Variants in ADK observed in about 807,000 individuals in gnomAD.
The protein encoded by ADK is N6,N6-dimethyladenosine kinase.
ADK carries 24 observed loss-of-function variants against 44.7 expected under a neutral mutation model. The ratio of observed to expected loss-of-function variants is 0.54; its 90% CI spans 0.39 to 0.76. ADK has a LOEUF of 0.76. ADK is among the 30% of genes least tolerant of loss of function. The pLI is 0.00. For missense variants in ADK, 321 were observed against 425.1 expected, an observed-to-expected ratio of 0.76 and a Z score of 2.15; for synonymous variants, 128 against 142.6, an observed-to-expected ratio of 0.90 and a Z score of 0.73.
chr10:74,302,101 G>GTTTTTTTTTTTTTTTTTTTTTT (rs1564642239), intron 3 of ADK, among the ~76,000 whole-genome samples: 1 of 11,708 alleles, frequency 8.5e-5, no homozygotes, highest in Non-Finnish European at 1.8e-4. Flanking sequence ...TTTTTTTTTT[G>GTTTTTTTTTTTTTTTTTTTTTT]TTTGTTTGTT....
At chr10:74,674,604 A>C (rs182839475) in intron 10 of ADK, among the ~76,000 whole-genome samples, 34 of 152,180 alleles carry the variant, frequency 2.2e-4, no homozygotes, top group African/African-American at 8.2e-4. Flanking sequence ...TAAATCAGCC[A>C]GGTGTGGTGG....
Position 74,604,867 on chromosome 10 carries a change from C to T in ADK, c.877+4374C>T, listed in dbSNP as rs200145240. 3.3e-5 allele frequency among the ~76,000 whole-genome samples: 5 copies of T among 152,230 alleles called. No homozygotes were observed. In the East Asian group the frequency reaches 9.6e-4, roughly 29 times the overall value. On this transcript the variant is annotated intron_variant, in intron 9 of 10. Coordinates refer to ENST00000539909, the MANE Select transcript of ADK (RefSeq NM_006721.4). ...GTATGACCATTTTCACGATATTCTT[C>T]CTATCCGTGAGCATGGAATGGTTTT...
intron 3 of ADK, among the ~76,000 whole-genome samples, chr10:74,283,499 A>C (rs1591983010): frequency 2.0e-5 from 3 of 146,778 alleles, no homozygotes; most frequent in Non-Finnish European, 4.5e-5. Flanking sequence ...TATTACAATT[A>C]ACTTATTTTG....
At chr10:74,669,612 T>C (rs1177775033) in intron 9 of ADK, among the ~76,000 whole-genome samples, 1 of 152,206 alleles carries the variant, frequency 6.6e-6, no homozygotes, top group Non-Finnish European at 1.5e-5. Context: ...ATAACCAGAT[T>C]AGGTTATTTT....
chr10:74,326,779 A>G (rs1841035409), intron 4 of ADK, among the ~76,000 whole-genome samples: 2 of 152,086 alleles, frequency 1.3e-5, no homozygotes, highest in South Asian at 2.1e-4. Flanking sequence ...TTGGTAGATT[A>G]TATATATTCA....
intron 3 of ADK, among the ~76,000 whole-genome samples, chr10:74,236,878 G>A (rs531796349): frequency 2.2e-4 from 34 of 152,198 alleles, no homozygotes; most frequent in African/African-American, 7.5e-4. Context: ...ATATAAAAAT[G>A]TATATTCCTT....
intron 6 of ADK, among the ~76,000 whole-genome samples, chr10:74,476,690 T>G (rs1483935934): frequency 1.3e-5 from 2 of 152,202 alleles, no homozygotes; most frequent in East Asian, 3.8e-4. Context: ...TTAGACTAAT[T>G]TATCACAGTT....
chr10:74,518,701 CTTT>C (rs1011282788), intron 6 of ADK, among the ~76,000 whole-genome samples: 26 of 152,218 alleles, frequency 1.7e-4, no homozygotes, highest in African/African-American at 6.3e-4. Flanking sequence ...GTAATCAATA[CTTT>C]TTTATCAGAA....
chr10:74,688,390 C>T (rs914931323), intron 10 of ADK, among the ~76,000 whole-genome samples: 3 of 152,228 alleles, frequency 2.0e-5, no homozygotes, highest in East Asian at 3.9e-4. Flanking sequence ...AGCGTATCCC[C>T]GGGACCCAGC....
At position 74,701,088 on chromosome 10, in the gene ADK, A is replaced by G. The variant is rs142450158; in HGVS notation, c.965-7233A>G. Among the ~76,000 whole-genome samples, 423 of 152,300 alleles carry G rather than the reference A, an allele frequency of 2.8e-3. 4 individuals are homozygous for G. Among genetic ancestry groups the G allele is most frequent in the African/African-American group, 9.8e-3 (408 of 41,560 alleles). On this transcript the variant is annotated intron_variant, in intron 10 of 10. Coordinates refer to ENST00000539909, the MANE Select transcript of ADK (RefSeq NM_006721.4). ...TTCTTTTAAAGTTAGGGATGAAGTG[A>G]CTTGGAAACTATTTTAGATGTATTA...
At chr10:74,292,539 C>T (rs1839658264) in intron 3 of ADK, among the ~76,000 whole-genome samples, 1 of 152,102 alleles carries the variant, frequency 6.6e-6, no homozygotes, top group African/African-American at 2.4e-5. Context: ...TTTTTGATAT[C>T]CTAATGTGTC....
intron 9 of ADK, among the ~76,000 whole-genome samples, chr10:74,662,393 A>G (rs1854767248): frequency 6.6e-6 from 1 of 151,936 alleles, no homozygotes; most frequent in Non-Finnish European, 1.5e-5. Flanking sequence ...CGATCCTCCC[A>G]CCTCAGCCTA....
chr10:74,573,702 C>T (rs1038919890), intron 7 of ADK, among the ~76,000 whole-genome samples: 5 of 152,176 alleles, frequency 3.3e-5, no homozygotes, highest in African/African-American at 7.2e-5. Flanking sequence ...AAGCAAGCCT[C>T]GGCAATGGCG....
intron 7 of ADK, among the ~76,000 whole-genome samples, chr10:74,550,605 C>G (rs1180214988): frequency 6.6e-6 from 1 of 152,064 alleles, no homozygotes; most frequent in East Asian, 1.9e-4. Flanking sequence ...TGTTCTTTGA[C>G]ACAGCTGGCT....
chr10:74,417,577 TATC>T (rs1190695650), intron 6 of ADK, among the ~76,000 whole-genome samples: 1 of 152,140 alleles, frequency 6.6e-6, no homozygotes, highest in Non-Finnish European at 1.5e-5. Flanking sequence ...TATTTTAAAT[TATC>T]ATTTCCTGAC....
At chr10:74,344,352 T>G (rs564341229) in intron 4 of ADK, among the ~76,000 whole-genome samples, 1 of 152,338 alleles carries the variant, frequency 6.6e-6, no homozygotes, top group South Asian at 2.1e-4. Flanking sequence ...CCTTATTATT[T>G]CATTGAACAA....
chr10:74,419,245 C>T (rs1844474298), intron 6 of ADK, among the ~76,000 whole-genome samples: 2 of 152,006 alleles, frequency 1.3e-5, no homozygotes, highest in Non-Finnish European at 2.9e-5. Context: ...GCAAAGCACT[C>T]TATTGCAAAA....
chr10:74,633,638 T>A (rs531458328), intron 9 of ADK, among the ~76,000 whole-genome samples: 4 of 152,278 alleles, frequency 2.6e-5, no homozygotes, highest in African/African-American at 7.2e-5. Flanking sequence ...TAGGAATAGC[T>A]CATGTCAGAA....
At chr10:74,267,720 G>A (rs1846261568) in intron 3 of ADK, among the ~76,000 whole-genome samples, 2 of 148,622 alleles carry the variant, frequency 1.3e-5, no homozygotes, top group African/African-American at 4.9e-5. Context: ...CTAGAGGTAG[G>A]GTACTGCCAT....
Sources: gnomAD v4.1 joint callset for allele counts (sites outside exome capture counted in the v4.1 genomes callset) on GRCh38, gnomAD v4.1.1 for gene constraint, MANE v1.5 for transcripts, NCBI Gene and HGNC (gene_info 2026-07-23, HGNC 2026-07-21) for gene names.